The following GPC4 variants were observed in gnomAD, a reference collection of about 807,000 sequenced individuals.
GPC4 encodes the protein glypican-4.
GPC4 carries 10 observed loss-of-function variants against 35.0 expected under a neutral mutation model. The ratio of observed to expected loss-of-function variants is 0.29; its 90% confidence interval spans 0.18 to 0.48. The LOEUF is 0.48. Ranked by LOEUF, GPC4 falls within the 20% of genes least tolerant of loss-of-function variation. The pLI is 0.99. For missense variants in GPC4, 322 were observed against 451.3 expected, an observed-to-expected ratio of 0.71 and a Z score of 2.60; for synonymous variants, 167 against 170.2, an observed-to-expected ratio of 0.98 and a Z score of 0.15.
intron 1 of GPC4, among the ~76,000 whole-genome samples, chrX:133,373,388 G>GACACAC (rs745387266): frequency 0.017 from 1,831 of 107,083 alleles, 44 homozygotes; most frequent in African/African-American, 0.059. Flanking sequence ...GGTTATTGAA[G>GACACAC]ACACACACAC....
At chrX:133,333,287 C>T (rs1248034825) in intron 2 of GPC4, among the ~76,000 whole-genome samples, 1 of 112,783 alleles carries the variant, frequency 8.9e-6, no homozygotes, top group Non-Finnish European at 1.9e-5. Flanking sequence ...GTATTTACTT[C>T]CCTCCAGACA....
intron 1 of GPC4, among the ~76,000 whole-genome samples, chrX:133,370,360 G>T (rs2068607380): frequency 8.9e-6 from 1 of 111,920 alleles, no homozygotes; most frequent in South Asian, 3.7e-4. Flanking sequence ...GACTTCCAAG[G>T]TTATTTCATT....
intron 1 of GPC4, among the ~76,000 whole-genome samples, chrX:133,401,079 G>A (rs375898748): frequency 3.6e-5 from 4 of 111,194 alleles, no homozygotes; most frequent in African/African-American, 9.8e-5. Flanking sequence ...GCCCCTGAAC[G>A]TGCCTGGTGT....
At chrX:133,309,858 TCAA>T (rs2068306840) in intron 4 of GPC4, among the ~76,000 whole-genome samples, 1 of 112,185 alleles carries the variant, frequency 8.9e-6, no homozygotes, top group African/African-American at 3.2e-5. Context: ...ATATTTTGAA[TCAA>T]CAATTTCTCC....
At chrX:133,414,389 T>G in intron 1 of GPC4, 1 of 183,019 alleles carries the variant, frequency 5.5e-6, no homozygotes, top group Non-Finnish European at 6.8e-6. Flanking sequence ...CGGCCTCTCC[T>G]CACCCATACA....
chrX:133,327,636 AGTGTGTGTGTGTGTGT>A (rs557359106), intron 2 of GPC4, among the ~76,000 whole-genome samples: 41 of 83,281 alleles, frequency 4.9e-4, no homozygotes, highest in South Asian at 1.6e-3. Flanking sequence ...TGTCCAGGAA[AGTGTGTGTGTGTGTGT>A]GTGTGTGTGT....
chrX:133,310,053 CT>C (rs2068308028), intron 4 of GPC4, among the ~76,000 whole-genome samples: 1 of 110,894 alleles, frequency 9.0e-6, no homozygotes, highest in African/African-American at 3.3e-5. Context: ...TTTTATCCCC[CT>C]GTGTCAGTGT....
chrX:133,376,862 G>A (rs1485575714), intron 1 of GPC4, among the ~76,000 whole-genome samples: 7 of 111,652 alleles, frequency 6.3e-5, no homozygotes, highest in African/African-American at 9.8e-5. Context: ...AGGAGGCACC[G>A]GGCAGATAGT....
At chrX:133,386,666 T>C (rs1373707470) in intron 1 of GPC4, among the ~76,000 whole-genome samples, 1 of 111,825 alleles carries the variant, frequency 8.9e-6, no homozygotes, top group African/African-American at 3.2e-5. Flanking sequence ...TCTCAATAAC[T>C]AGCAGTTTTG....
chrX:133,341,394 T>C (rs2068466084), intron 1 of GPC4, among the ~76,000 whole-genome samples: 1 of 112,438 alleles, frequency 8.9e-6, no homozygotes, highest in Admixed American at 9.4e-5. Flanking sequence ...GTGATTTAAA[T>C]GAATTACTTC....
chrX:133,414,204 T>C (rs1428147772), intron 1 of GPC4, among the ~76,000 whole-genome samples: 2 of 110,226 alleles, frequency 1.8e-5, no homozygotes, highest in East Asian at 5.8e-4. Context: ...TCTGAAGCGG[T>C]TGCGGCTACT....
chrX:133,412,939 T>C (rs753549747), intron 1 of GPC4, among the ~76,000 whole-genome samples: 3 of 112,588 alleles, frequency 2.7e-5, no homozygotes, highest in Non-Finnish European at 3.7e-5. Context: ...ATTGTTTGCA[T>C]GAGCAGAAGA....
chrX:133,380,316 G>A (rs1361708618), intron 1 of GPC4, among the ~76,000 whole-genome samples: 1 of 109,728 alleles, frequency 9.1e-6, no homozygotes, highest in African/African-American at 3.3e-5. Flanking sequence ...CAGCCTGGGC[G>A]ACAGATCAAG....
chrX:133,377,925 C>T lies in GPC4; in HGVS notation c.160+36881G>A, dbSNP rs755311704. On this transcript the variant is annotated intron_variant, in intron 1 of 8. Coordinates refer to ENST00000370828, the MANE Select transcript of GPC4 (RefSeq NM_001448.3). ...TTTTTTTGCTTTTGATTCAGGCTCT[C>T]GCTCTGTCACCCTGGCTGGAGTGCA... is the stretch of plus-strand genomic sequence containing the variant. Among the ~76,000 whole-genome samples, 5 of 88,394 alleles carry T rather than the reference C, an allele frequency of 5.7e-5. No individual in the cohort carries two copies. In the South Asian group the frequency reaches 2.3e-3, roughly 41 times the overall value. 76.8% of individuals were successfully genotyped at this position (88,394 alleles called of 115,157 possible).
At chrX:133,310,909 G>A (rs753443935) in intron 4 of GPC4, among the ~76,000 whole-genome samples, 3 of 110,802 alleles carry the variant, frequency 2.7e-5, no homozygotes, top group African/African-American at 9.9e-5. Context: ...TGAGAGGATC[G>A]CTTGAACCCA....
At chrX:133,376,604 C>A (rs767673497) in intron 1 of GPC4, among the ~76,000 whole-genome samples, 12 of 112,346 alleles carry the variant, frequency 1.1e-4, no homozygotes, top group Non-Finnish European at 1.9e-4. Flanking sequence ...ACAACCAGTT[C>A]ATGCACTGCA....
chrX:133,372,247 A>G (rs1360928556), intron 1 of GPC4, among the ~76,000 whole-genome samples: 1 of 98,577 alleles, frequency 1.0e-5, no homozygotes, highest in African/African-American at 4.0e-5. Flanking sequence ...AAAAAAAAAA[A>G]AGAGGTTATA....
chrX:133,303,302 C>T lies in GPC4; in HGVS notation c.1332G>A (p.Gln444=). The change falls in exon 8 of 9, where the codon CAG becomes CAA. Residue 444 remains glutamine (Q), a synonymous_variant. Transcript: ENST00000370828. ...FAVTGNGLAN[Q]GNNPEVQVDT... ...CAACCTGGACCTCTGGGTTGTTGCC[C>T]TGGTTGGCTAATCCATTTCCTGTCA... The T allele has an allele frequency of 1.7e-6, 2 of 1,210,411 alleles. No homozygotes were observed. Among genetic ancestry groups the T allele is most frequent in the Non-Finnish European group, 1.1e-6 (1 of 894,824 alleles).
chrX:133,414,613 C>A (rs1438385139), intron 1 of GPC4, 193 bp downstream of exon 1: 2 of 752,655 alleles, frequency 2.7e-6, no homozygotes, highest in African/African-American at 2.3e-5. Flanking sequence ...GGGAGCGCTG[C>A]GCCCGCGGGG....
Sources: allele counts gnomAD v4.1 joint callset (sites outside exome capture counted in the v4.1 genomes callset), GRCh38; gene constraint gnomAD v4.1.1; transcripts MANE v1.5; gene names NCBI Gene and HGNC (gene_info 2026-07-23, HGNC 2026-07-21).